The following CERS6 variants were observed in gnomAD, a reference collection of about 807,000 sequenced individuals.
CERS6 encodes LAG1 homolog, ceramide synthase 6.
In CERS6, 26 loss-of-function variants were observed where a neutral mutation model predicts 56.8. The observed-to-expected ratio is 0.46, with a 90% CI of 0.34 to 0.63. The LOEUF is 0.63. Among genes scored for constraint, CERS6 ranks in the 30% least tolerant of loss-of-function variants. CERS6 has a pLI of 0.01. For missense variants in CERS6, 415 were observed against 467.5 expected, an observed-to-expected ratio of 0.89 and a Z score of 1.04; for synonymous variants, 164 against 173.3, an observed-to-expected ratio of 0.95 and a Z score of 0.42.
At chr2:168,654,957 C>T (rs1271991756) in intron 4 of CERS6, among the ~76,000 whole-genome samples, 1 of 152,114 alleles carries the variant, frequency 6.6e-6, no homozygotes, top group Non-Finnish European at 1.5e-5. Flanking sequence ...CCTTCTTATC[C>T]TAAGTTAGTT....
intron 1 of CERS6, among the ~76,000 whole-genome samples, chr2:168,486,770 A>G (rs995362609): frequency 2.4e-4 from 36 of 152,094 alleles, no homozygotes; most frequent in African/African-American, 8.7e-4. Flanking sequence ...ACCCATGACT[A>G]CTGAAGGTTT....
chr2:168,470,152 G>C (rs538397427), intron 1 of CERS6, among the ~76,000 whole-genome samples: 37 of 148,778 alleles, frequency 2.5e-4, no homozygotes, highest in Non-Finnish European at 5.2e-4. Context: ...TGGGAGGACT[G>C]CTTGAGCCTG....
At chr2:168,738,127 G>A (rs1683771339) in intron 8 of CERS6, among the ~76,000 whole-genome samples, 2 of 152,198 alleles carry the variant, frequency 1.3e-5, no homozygotes, top group Admixed American at 1.3e-4. Context: ...ACACACTTAA[G>A]TGAAATAGTT....
At position 168,756,721 on chromosome 2, in the gene CERS6, C is replaced by A. The variant is rs563801512; in HGVS notation, c.846-8871C>A. On this transcript the variant is annotated intron_variant, in intron 8 of 9. Transcript: ENST00000305747. ...GGGACGGATCGGCTCTGAGCATAAG[C>A]CTGGGTGAAGAACGGAGAAAGGGAT... Among the ~76,000 whole-genome samples the A allele has an allele frequency of 6.6e-4, 101 of 152,186 alleles. 2 individuals are homozygous for A. The South Asian group carries it at 0.019, about 29-fold the overall frequency.
intron 8 of CERS6, 92 bp from the exon 9 acceptor site, chr2:168,765,500 T>C: frequency 7.6e-7 from 1 of 1,310,602 alleles, no homozygotes; most frequent in Non-Finnish European, 1.0e-6. Context: ...TTGGGAGATA[T>C]TGTTGACCTT....
At chr2:168,761,069 T>C (rs1280946931) in intron 8 of CERS6, among the ~76,000 whole-genome samples, 1 of 152,166 alleles carries the variant, frequency 6.6e-6, no homozygotes, top group Non-Finnish European at 1.5e-5. Context: ...GTTTACTGTT[T>C]ATTAGAGTCC....
chr2:168,650,505 C>G lies in CERS6; in HGVS notation c.465+19463C>G, dbSNP rs568514088. Among the ~76,000 whole-genome samples, 14 of 152,296 alleles carry G rather than the reference C, an allele frequency of 9.2e-5. No homozygotes were observed. The East Asian group carries it at 2.7e-3, about 29-fold the overall frequency. ...CCCTACCAACAAATACTGATTCCTTCTTTAAATGAAATAGCCCAACTCCTG... is the reference window on the plus strand; with the variant it reads ...CCCTACCAACAAATACTGATTCCTTGTTTAAATGAAATAGCCCAACTCCTG... On this transcript the variant is annotated intron_variant, in intron 4 of 9. Coordinates refer to ENST00000305747, the MANE Select transcript of CERS6 (RefSeq NM_203463.3).
chr2:168,605,947 G>A (rs980255078), intron 3 of CERS6, among the ~76,000 whole-genome samples: 3 of 152,212 alleles, frequency 2.0e-5, no homozygotes, highest in Non-Finnish European at 4.4e-5. Flanking sequence ...GAAATGTGGG[G>A]TTAGAGCCCC....
At chr2:168,574,568 G>A (rs78193678) in intron 3 of CERS6, among the ~76,000 whole-genome samples, 3,397 of 152,112 alleles carry the variant, frequency 0.022, 135 homozygotes, top group East Asian at 0.18. Flanking sequence ...AAAACAAGGC[G>A]ATAACCTTAA....
intron 1 of CERS6, among the ~76,000 whole-genome samples, chr2:168,529,582 C>T (rs1183740892): frequency 1.3e-5 from 2 of 152,124 alleles, no homozygotes; most frequent in Non-Finnish European, 2.9e-5. Flanking sequence ...TGTTCACAGA[C>T]TCATAAACAT....
At chr2:168,667,224 G>A (rs1300220434) in intron 4 of CERS6, among the ~76,000 whole-genome samples, 2 of 152,220 alleles carry the variant, frequency 1.3e-5, no homozygotes, top group Non-Finnish European at 2.9e-5. Flanking sequence ...AAACCTTTAA[G>A]CAGGAAAACC....
chr2:168,634,226 C>T (rs935949007), intron 4 of CERS6, among the ~76,000 whole-genome samples: 34 of 152,186 alleles, frequency 2.2e-4, no homozygotes, highest in African/African-American at 8.0e-4. Flanking sequence ...TCTATAATTG[C>T]TGTATATAAG....
intron 2 of CERS6, among the ~76,000 whole-genome samples, chr2:168,560,565 G>C (rs1348409341): frequency 6.6e-6 from 1 of 152,110 alleles, no homozygotes; most frequent in African/African-American, 2.4e-5. Context: ...TAAAAGACTC[G>C]ATGTGGGATA....
intron 4 of CERS6, among the ~76,000 whole-genome samples, chr2:168,675,179 G>A (rs1686025174): frequency 6.6e-6 from 1 of 151,920 alleles, no homozygotes; most frequent in Non-Finnish European, 1.5e-5. Context: ...TCACCAGGTT[G>A]GCTAAGATGG....
At chr2:168,727,408 G>A in intron 8 of CERS6, among the ~76,000 whole-genome samples, 1 of 152,168 alleles carries the variant, frequency 6.6e-6, no homozygotes, top group South Asian at 2.1e-4. Flanking sequence ...AATTAGCCGG[G>A]TGTGGTGGCA....
intron 1 of CERS6, among the ~76,000 whole-genome samples, chr2:168,516,195 T>C (rs1256030176): frequency 6.6e-6 from 1 of 152,154 alleles, no homozygotes; most frequent in African/African-American, 2.4e-5. Flanking sequence ...GGCTAAGATG[T>C]CATAACATCT....
In CERS6 at chr2:168,518,015, GTGAC is replaced by G. The variant is rs1214535136; in HGVS notation, c.171-29578_171-29575del. ...TTTCTCATGACTAATTTTGCAGTGA[GTGAC>G]TGTTGTTGATTTGAAAATACATAAC... On this transcript the variant is annotated intron_variant, in intron 1 of 9. Coordinates refer to ENST00000305747, the MANE Select transcript of CERS6 (RefSeq NM_203463.3). Among the ~76,000 whole-genome samples the G allele has an allele frequency of 2.6e-5, 4 of 152,202 alleles. No individual in the cohort carries two copies. The East Asian group carries it at 5.8e-4, about 22-fold the overall frequency.
intron 4 of CERS6, among the ~76,000 whole-genome samples, chr2:168,668,647 T>C (rs1269631218): frequency 6.6e-6 from 1 of 152,022 alleles, no homozygotes; most frequent in Non-Finnish European, 1.5e-5. Flanking sequence ...AGAGATGGGG[T>C]TTCACCGTGT....
At chr2:168,513,018 CT>C (rs1694816843) in intron 1 of CERS6, among the ~76,000 whole-genome samples, 1 of 152,222 alleles carries the variant, frequency 6.6e-6, no homozygotes, top group Admixed American at 6.5e-5. Context: ...GTACTTTTCT[CT>C]CATTTTTAAT....
Sources: allele counts gnomAD v4.1 joint callset (sites outside exome capture counted in the v4.1 genomes callset), GRCh38; gene constraint gnomAD v4.1.1; transcripts MANE v1.5; gene names NCBI Gene and HGNC (gene_info 2026-07-23, HGNC 2026-07-21).